The following RGS6 variants were observed in gnomAD, a reference collection of about 807,000 sequenced individuals.
RGS6 encodes regulator of G protein signaling 6.
RGS6 carries 30 observed loss-of-function variants against 78.5 expected under a neutral mutation model. The ratio of observed to expected loss-of-function variants is 0.38; its 90% CI spans 0.29 to 0.52. The LOEUF (loss-of-function observed/expected upper bound fraction) is 0.52. Among genes scored for constraint, RGS6 ranks in the 20% least tolerant of loss-of-function variants. The probability of loss-of-function intolerance (pLI) is 0.85; values close to 1 mark genes in which losing one functional copy is unlikely to be tolerated. For synonymous variants in RGS6, 206 were observed against 206.0 expected (o/e 1.00, Z 0.00); for missense variants, 495 against 609.7 (o/e 0.81, Z 1.98).
intron 3 of RGS6, among the ~76,000 whole-genome samples, chr14:72,358,427 C>G (rs970843177): frequency 3.3e-5 from 5 of 152,270 alleles, no homozygotes; most frequent in Non-Finnish European, 7.3e-5. Flanking sequence ...AGGAAGGAGG[C>G]TGTACCCTGC....
chr14:72,214,908 A>T (rs1360390329), intron 2 of RGS6, among the ~76,000 whole-genome samples: 2 of 152,244 alleles, frequency 1.3e-5, no homozygotes. Context: ...ATTTCTTAAT[A>T]TAAATAAGAA....
chr14:72,369,841 T>G (rs111980700), intron 3 of RGS6, among the ~76,000 whole-genome samples: 2 of 152,202 alleles, frequency 1.3e-5, no homozygotes, highest in African/African-American at 4.8e-5. Flanking sequence ...CAATTAGTTA[T>G]AAAATAAAAT....
chr14:71,889,996 G>T, the RGS6 span, among the ~76,000 whole-genome samples: 5 of 152,094 alleles, frequency 3.3e-5, no homozygotes, highest in East Asian at 9.6e-4. Context: ...ACTAACCTAA[G>T]ACGGTCTGCT....
chr14:72,077,408 TTTCG>T (rs1727392132), intron 2 of RGS6, among the ~76,000 whole-genome samples: 1 of 152,198 alleles, frequency 6.6e-6, no homozygotes, highest in Non-Finnish European at 1.5e-5. Flanking sequence ...TTTAGTTTTT[TTTCG>T]TTCCTTCATA....
chr14:72,360,365 C>A (rs2081204150), intron 3 of RGS6, among the ~76,000 whole-genome samples: 1 of 151,316 alleles, frequency 6.6e-6, no homozygotes, highest in Non-Finnish European at 1.5e-5. Context: ...ACTAAAAATA[C>A]AAAAAAATTA....
chr14:72,472,790 C>A, intron 8 of RGS6, 82 bp from the exon 9 acceptor site: 2 of 1,015,876 alleles, frequency 2.0e-6, no homozygotes, highest in South Asian at 1.4e-5. Flanking sequence ...CCCCTAGCAA[C>A]AGGAGCAAAC....
At chr14:71,875,777 C>T in the RGS6 span, among the ~76,000 whole-genome samples, 1 of 152,144 alleles carries the variant, frequency 6.6e-6, no homozygotes, top group Non-Finnish European at 1.5e-5. Context: ...CTCTTGTGGG[C>T]ATTTAGTGCT....
At chr14:71,967,023 C>T (rs2093562343) in intron 2 of RGS6, among the ~76,000 whole-genome samples, 1 of 151,854 alleles carries the variant, frequency 6.6e-6, no homozygotes, top group Non-Finnish European at 1.5e-5. Flanking sequence ...GAAAAAAAAA[C>T]TTCCTGCAGG....
the RGS6 span, among the ~76,000 whole-genome samples, chr14:71,897,811 G>A: frequency 2.2e-4 from 33 of 151,964 alleles, no homozygotes; most frequent in Non-Finnish European, 4.1e-4. Context: ...GAGCCACCGC[G>A]CCCGGCCCCA....
chr14:72,215,525 A>G (rs961010632), intron 2 of RGS6, among the ~76,000 whole-genome samples: 2 of 152,244 alleles, frequency 1.3e-5, no homozygotes, highest in Non-Finnish European at 2.9e-5. Flanking sequence ...CAAAAGAGGC[A>G]GGGTCATTTA....
the RGS6 span, among the ~76,000 whole-genome samples, chr14:72,614,822 C>T: frequency 6.8e-6 from 1 of 147,104 alleles, no homozygotes; most frequent in Non-Finnish European, 1.5e-5. Flanking sequence ...CCACCTGCTG[C>T]CCTCCAGCTC....
chr14:72,570,001 T>C (rs887478369), downstream of RGS6, among the ~76,000 whole-genome samples: 4 of 152,320 alleles, frequency 2.6e-5, no homozygotes, highest in African/African-American at 4.8e-5. Flanking sequence ...AGAAAGCATA[T>C]GATCATAGAA....
chr14:72,158,675 G>C (rs185577886), intron 2 of RGS6, among the ~76,000 whole-genome samples: 1 of 152,058 alleles, frequency 6.6e-6, no homozygotes, highest in Non-Finnish European at 1.5e-5. Context: ...GATAATTTCC[G>C]TAAACATGCA....
intron 2 of RGS6, among the ~76,000 whole-genome samples, chr14:71,988,496 A>G (rs1006406993): frequency 7.9e-5 from 12 of 152,324 alleles, no homozygotes; most frequent in Non-Finnish European, 1.3e-4. Context: ...TTCAAATTTC[A>G]GTATCTGTAT....
intron 3 of RGS6, among the ~76,000 whole-genome samples, chr14:72,385,285 A>G (rs1488935054): frequency 3.3e-5 from 5 of 152,208 alleles, no homozygotes; most frequent in African/African-American, 1.2e-4. Context: ...ATGTTTAGAC[A>G]TTATGCTAAA....
At chr14:71,883,801 A>G in the RGS6 span, among the ~76,000 whole-genome samples, 1 of 152,228 alleles carries the variant, frequency 6.6e-6, no homozygotes, top group Non-Finnish European at 1.5e-5. Flanking sequence ...CACCAGTGCC[A>G]TGACAGTTTA....
intron 3 of RGS6, among the ~76,000 whole-genome samples, chr14:72,393,216 T>G (rs1206822813): frequency 1.3e-5 from 2 of 152,236 alleles, no homozygotes; most frequent in Middle Eastern, 6.8e-3. Context: ...TTTCTCAGAG[T>G]GTTGGGGAAC....
chr14:72,254,664 T>C (rs1233843312), intron 2 of RGS6, among the ~76,000 whole-genome samples: 1 of 152,192 alleles, frequency 6.6e-6, no homozygotes, highest in African/African-American at 2.4e-5. Context: ...GGGGACTCTT[T>C]TCTCCCTTCT....
At chr14:72,023,993 C>T (rs773525370) in intron 2 of RGS6, among the ~76,000 whole-genome samples, 4 of 152,136 alleles carry the variant, frequency 2.6e-5, no homozygotes, top group Non-Finnish European at 5.9e-5. Flanking sequence ...CAGAAGTGCT[C>T]GCGACAATGA....
Sources: gnomAD v4.1 joint callset for allele counts (sites outside exome capture counted in the v4.1 genomes callset) on GRCh38, gnomAD v4.1.1 for gene constraint, MANE v1.5 for transcripts, NCBI Gene and HGNC (gene_info 2026-07-23, HGNC 2026-07-21) for gene names.